The following SYNE2 variants were observed in gnomAD, a reference collection of about 807,000 sequenced individuals.
SYNE2 encodes the protein spectrin repeat containing nuclear envelope protein 2.
A neutral mutation model predicts 856.3 loss-of-function variants in SYNE2; 431 were observed. That is an observed-to-expected ratio of 0.50 (90% CI 0.47 to 0.55). The LOEUF (loss-of-function observed/expected upper bound fraction) is 0.55, where lower values mean the gene tolerates loss of function less well. Among genes scored for constraint, SYNE2 ranks in the 20% least tolerant of loss-of-function variants. The pLI is 0.00. For missense variants in SYNE2, 8,129 were observed against 8,023.2 expected, an observed-to-expected ratio of 1.01 and a Z score of -0.50; for synonymous variants, 2,923 against 2,872.3, an observed-to-expected ratio of 1.02 and a Z score of -0.56.
intron 1 of SYNE2, among the ~76,000 whole-genome samples, chr14:63,862,711 T>C (rs1200076601): frequency 6.6e-6 from 1 of 152,166 alleles, no homozygotes; most frequent in Non-Finnish European, 1.5e-5. Context: ...GAAATTTTAA[T>C]TTGAAAGGCA....
chr14:63,990,840 T>A, intron 20 of SYNE2, 102 bp from the exon 21 acceptor site: 1 of 961,322 alleles, frequency 1.0e-6, no homozygotes, highest in Non-Finnish European at 1.6e-6. Context: ...GATAGATATC[T>A]AAATATCTTT....
chr14:64,051,772 A>G lies in SYNE2; in HGVS notation c.7859A>G (p.Gln2620Arg). 2 of 1,614,230 alleles carry G rather than the reference A, an allele frequency of 1.2e-6. No individual in the cohort carries two copies. Among genetic ancestry groups the G allele is most frequent in the South Asian group, 2.2e-5 (2 of 91,088 alleles). Reference protein sequence around the residue: ...VEQQIQKKYSQQVVEYDEFTT... With the variant: ...VEQQIQKKYSRQVVEYDEFTT... ...CAGCAGATTCAAAAGAAGTATTCTC[A>G]GCAGGTAGTGGAATATGATGAATTT... The change falls in exon 48 of 116, where the codon CAG becomes CGG. Residue 2620 changes from glutamine to arginine, a missense_variant. Around this residue, in one of 3 missense-constraint regions of SYNE2, gnomAD observed 5,410 missense variants for 5,284.8 expected, o/e 1.02. Transcript: ENST00000555002.
At chr14:63,888,230 C>G (rs2140876097) in intron 1 of SYNE2, among the ~76,000 whole-genome samples, 1 of 152,296 alleles carries the variant, frequency 6.6e-6, no homozygotes, top group Admixed American at 6.5e-5. Context: ...GCCACCAGTC[C>G]AGGAGTGATT....
At chr14:64,191,369 C>T (rs1376234105) in intron 99 of SYNE2, among the ~76,000 whole-genome samples, 2 of 151,916 alleles carry the variant, frequency 1.3e-5, no homozygotes, top group South Asian at 2.1e-4. Context: ...TCTGTAAAAC[C>T]AAGTGGTTTG....
chr14:64,174,068 A>ATTTTT, intron 94 of SYNE2: 4 of 421,060 alleles, frequency 9.5e-6, no homozygotes, highest in Admixed American at 4.3e-5. Flanking sequence ...TGTCTCTTAA[A>ATTTTT]TTTTTTTTTT....
chr14:64,209,865 C>T (rs2098630703), intron 102 of SYNE2, 77 bp from the exon 103 acceptor site: 10 of 1,594,124 alleles, frequency 6.3e-6, no homozygotes, highest in Non-Finnish European at 8.6e-6. Context: ...GGCAGCAGGT[C>T]GCTTGGGATG....
chr14:64,174,020 C>A, intron 94 of SYNE2: 1 of 632,410 alleles, frequency 1.6e-6, no homozygotes, highest in Non-Finnish European at 2.8e-6. Flanking sequence ...GTAACACCGC[C>A]ACTAAAATAT....
In SYNE2 at chr14:63,997,315, C is replaced by T. The variant is rs1419101774; in HGVS notation, c.3167C>T (p.Thr1056Ile). ...GTSKNEGTIT[T>I]SENRGGDPHS... ...TTCCTTTCTAGGGGGACCATCACCA[C>T]ATCTGAGAATAGAGGAGGGGATCCC... is the stretch of plus-strand genomic sequence containing the variant. Residue 1056 changes from threonine to isoleucine, a missense_variant, in exon 25 of 116, where the codon ACA becomes ATA. Coordinates refer to ENST00000555002, the MANE Select transcript of SYNE2 (RefSeq NM_182914.3). 1.2e-6 allele frequency: 2 copies of T among 1,613,454 alleles called. No homozygotes were observed. The highest frequency in any genetic ancestry group is 2.7e-5 in the African/African-American group (2 of 75,044).
At position 63,914,291 on chromosome 14, in the gene SYNE2, A is replaced by T. The variant is rs187974761; in HGVS notation, c.79+5064A>T. ...TCACAGGACTTTAAAGTTAAATGGG[A>T]TTTTCTTTGCAATTCAGTGTAATTT... On this transcript the variant is annotated intron_variant, in intron 2 of 115. Transcript: ENST00000555002. Among the ~76,000 whole-genome samples, 189 of 152,256 alleles carry T rather than the reference A, an allele frequency of 1.2e-3. 3 individuals carry two copies. Among genetic ancestry groups the T allele is most frequent in the Admixed American group, 0.011 (168 of 15,296 alleles).
At chr14:64,129,757 T>C (rs1277011431) in intron 74 of SYNE2, 25 bp from the exon 75 acceptor site, 5 of 1,613,770 alleles carry the variant, frequency 3.1e-6, no homozygotes, top group Non-Finnish European at 3.4e-6. Flanking sequence ...AAGGGTTTTC[T>C]TTTCTTGTAT....
Position 64,024,898 on chromosome 14 carries a change from T to C in SYNE2, c.5841-14T>C. On this transcript the variant is annotated splice_polypyrimidine_tract_variant and intron_variant, in intron 39 of 115. Transcript: ENST00000555002. The stretch of plus-strand genomic sequence containing the variant: ...TGCTTATTTTGTATTTAAACATGTG[T>C]AATGCTCTTTTAGACTCCAGGATGA... 12 of 1,613,690 alleles carry C rather than the reference T, an allele frequency of 7.4e-6. No individual in the cohort carries two copies. Among genetic ancestry groups the C allele is most frequent in the Non-Finnish European group, 9.3e-6 (11 of 1,179,798 alleles).
intron 8 of SYNE2, among the ~76,000 whole-genome samples, chr14:63,959,422 T>C (rs1255882): frequency 0.69 from 103,586 of 151,072 alleles, 35,757 homozygotes; most frequent in Admixed American, 0.77. Flanking sequence ...CTCAGCCTCC[T>C]GAGTAGCTGG....
At chr14:63,960,866 G>T in intron 8 of SYNE2, 1 of 657,982 alleles carries the variant, frequency 1.5e-6, no homozygotes, top group South Asian at 1.7e-5. Flanking sequence ...ACAACATAGA[G>T]AGACCCTGTC....
intron 57 of SYNE2, among the ~76,000 whole-genome samples, chr14:64,082,041 G>A (rs565401445): frequency 6.6e-6 from 1 of 151,514 alleles, no homozygotes; most frequent in African/African-American, 2.4e-5. Flanking sequence ...AGCCGAGATC[G>A]CACCACTGCA....
intron 18 of SYNE2, 141 bp from the exon 19 acceptor site, chr14:63,986,315 G>T: frequency 1.1e-6 from 1 of 871,218 alleles, no homozygotes; most frequent in Non-Finnish European, 1.8e-6. Flanking sequence ...GCCCAGACTG[G>T]TCACAAACTC....
chr14:64,207,982 T>C, intron 100 of SYNE2: 1 of 456,038 alleles, frequency 2.2e-6, no homozygotes, highest in South Asian at 1.5e-5. Flanking sequence ...ACAGCAGAAA[T>C]ATTATCTGAT....
chr14:64,017,577 C>CTT lies in SYNE2; in HGVS notation c.4888-14_4888-13dup, dbSNP rs1567063002. 6.2e-7 allele frequency: 1 copy of CTT among 1,601,872 alleles called. No homozygotes were observed. Among genetic ancestry groups the CTT allele is most frequent in the Non-Finnish European group, 8.5e-7 (1 of 1,170,846 alleles). ...TTTCACTGCTACATATGTTGTTTCT[C>CTT]TTTTTAAATTATGGTAGATAAATGA... On this transcript the variant is annotated splice_polypyrimidine_tract_variant and intron_variant, in intron 33 of 115. Coordinates refer to ENST00000555002, the MANE Select transcript of SYNE2 (RefSeq NM_182914.3).
At chr14:63,822,880 G>C (rs1466772805) in intron 1 of SYNE2, among the ~76,000 whole-genome samples, 3 of 152,190 alleles carry the variant, frequency 2.0e-5, no homozygotes, top group Non-Finnish European at 2.9e-5. Context: ...GAGGCAGAAG[G>C]ATCACTTGAT....
At chr14:63,812,149 A>G (rs1888638115) in intron 1 of SYNE2, among the ~76,000 whole-genome samples, 2 of 152,000 alleles carry the variant, frequency 1.3e-5, no homozygotes, top group Non-Finnish European at 2.9e-5. Flanking sequence ...CCTTATCTCA[A>G]CCTCATAAGA....
Sources: allele counts gnomAD v4.1 joint callset (sites outside exome capture counted in the v4.1 genomes callset), GRCh38; gene constraint gnomAD v4.1.1; regional missense constraint gnomAD v4.1.1; transcripts MANE v1.5; gene names NCBI Gene and HGNC (gene_info 2026-07-23, HGNC 2026-07-21).